The following PLPPR4 variants were observed in gnomAD, a reference collection of about 807,000 sequenced individuals.
PLPPR4 encodes phospholipid phosphatase related 4.
In PLPPR4, 24 loss-of-function variants were observed where a neutral mutation model predicts 56.6. That is an observed-to-expected ratio of 0.42 (90% CI 0.31 to 0.60). The LOEUF is 0.60. PLPPR4 is among the 20% of genes least tolerant of loss of function. The pLI is 0.13. For synonymous variants in PLPPR4, 326 were observed against 328.1 expected, an observed-to-expected ratio of 0.99 and a Z score of 0.07; for missense variants, 654 against 885.8, an observed-to-expected ratio of 0.74 and a Z score of 3.32.
At chr1:99,292,211 A>T (rs1166304590) in intron 2 of PLPPR4, among the ~76,000 whole-genome samples, 1 of 152,206 alleles carries the variant, frequency 6.6e-6, no homozygotes, top group East Asian at 1.9e-4. Context: ...AAGCAAATTT[A>T]GTTGTGGCAC....
chr1:99,296,698 T>A (rs1659750196), intron 2 of PLPPR4, 40 bp from the exon 3 acceptor site: 1 of 1,520,516 alleles, frequency 6.6e-7, no homozygotes, highest in African/African-American at 1.4e-5. Context: ...TAATAGGTAT[T>A]CCAACATGCC....
chr1:99,279,141 AT>A (rs1659261497), intron 1 of PLPPR4, among the ~76,000 whole-genome samples: 1 of 152,172 alleles, frequency 6.6e-6, no homozygotes, highest in African/African-American at 2.4e-5. Flanking sequence ...TATGTCAGGG[AT>A]AAAGAGATGG....
intron 1 of PLPPR4, among the ~76,000 whole-genome samples, chr1:99,286,290 T>C (rs968051277): frequency 3.3e-5 from 5 of 152,206 alleles, no homozygotes; most frequent in African/African-American, 1.2e-4. Flanking sequence ...GTCTAGTTAT[T>C]GTAATTAAAT....
At position 99,307,543 on chromosome 1, in the gene PLPPR4, T is replaced by A. The variant is rs921423663; in HGVS notation, c.*533T>A. 6.5e-6 allele frequency: 1 copy of A among 152,970 alleles called. No individual in the cohort carries two copies. Among genetic ancestry groups the A allele is most frequent in the Non-Finnish European group, 1.5e-5 (1 of 68,498 alleles). The allele number at this position is 152,970 out of a possible 1,614,324, so 9.5% of individuals were successfully genotyped here. On this transcript the variant is annotated 3_prime_UTR_variant, in exon 7 of 7. Transcript: ENST00000370185. ...GAAATAGTGGTGTGCAATTCCTTGT[T>A]AAAGAAATGCTACTTTATTAAGAAG...
rs1660076625 is a variant in PLPPR4 at position 99,307,890 on chromosome 1, C to T, written c.*880C>T. 6.6e-6 allele frequency: 1 copy of T among 152,042 alleles called. No homozygotes were observed. The highest frequency in any genetic ancestry group is 1.5e-5 in the Non-Finnish European group (1 of 67,992). 9.4% of individuals were successfully genotyped at this position (152,042 alleles called of 1,614,324 possible). On this transcript the variant is annotated 3_prime_UTR_variant, in exon 7 of 7. Transcript: ENST00000370185. ...TCATATTTTGCTTTCTATGGCTTCT[C>T]CTTAACTTATTGATTAATTTTTTGA... is the stretch of plus-strand genomic sequence containing the variant.
At chr1:99,305,143 T>C (rs963277419) in intron 6 of PLPPR4, among the ~76,000 whole-genome samples, 2 of 152,172 alleles carry the variant, frequency 1.3e-5, no homozygotes, top group African/African-American at 2.4e-5. Context: ...TGTACAATGC[T>C]GAACACACAA....
chr1:99,267,870 T>C (rs1658944544), intron 1 of PLPPR4, among the ~76,000 whole-genome samples: 1 of 152,230 alleles, frequency 6.6e-6, no homozygotes, highest in Non-Finnish European at 1.5e-5. Flanking sequence ...TGACAACCAT[T>C]TATAAAGTAC....
chr1:99,304,248 T>A (rs1355107773), intron 6 of PLPPR4, among the ~76,000 whole-genome samples: 1 of 152,210 alleles, frequency 6.6e-6, no homozygotes, highest in Non-Finnish European at 1.5e-5. Context: ...GTGCTTACCA[T>A]TGTGTTACAA....
In PLPPR4 at chr1:99,287,923, A is replaced by G. The variant is rs774630974; in HGVS notation, c.79-42A>G. The stretch of plus-strand genomic sequence containing the variant: ...CTTGTTTTCTATGTATGCCCTGTAT[A>G]TCAGGTAGAATAAATTGATCTTCTT... On this transcript the variant is annotated intron_variant, in intron 1 of 6. Transcript: ENST00000370185. 6.6e-6 allele frequency: 10 copies of G among 1,515,962 alleles called. No individual in the cohort carries two copies. The Admixed American group carries it at 1.6e-4, about 24-fold the overall frequency. The allele number at this position is 1,515,962 out of a possible 1,614,324, so 93.9% of individuals were successfully genotyped here. A position where few individuals can be genotyped will look rare whatever the true frequency, so the allele number is the denominator to read the frequency against.
chr1:99,298,465 A>G (rs1001025097), intron 3 of PLPPR4, among the ~76,000 whole-genome samples: 2 of 152,182 alleles, frequency 1.3e-5, no homozygotes, highest in African/African-American at 4.8e-5. Context: ...CCAAATTCCA[A>G]ACACACACGT....
intron 1 of PLPPR4, among the ~76,000 whole-genome samples, chr1:99,284,545 T>A (rs1400548784): frequency 1.3e-5 from 2 of 151,912 alleles, no homozygotes; most frequent in Non-Finnish European, 2.9e-5. Flanking sequence ...TCTCCCAAAG[T>A]GCTGGGATTA....
At position 99,307,774 on chromosome 1, in the gene PLPPR4, A is replaced by G. The variant is rs149312132; in HGVS notation, c.*764A>G. On this transcript the variant is annotated 3_prime_UTR_variant, in exon 7 of 7. Coordinates refer to ENST00000370185, the MANE Select transcript of PLPPR4 (RefSeq NM_014839.5). ...TCTTCTGCTTACTTTTTATTTAAGT[A>G]TAGGTACTGCTAATGAATCTGTTTT... 1 of 152,318 alleles carries G rather than the reference A, an allele frequency of 6.6e-6. No individual in the cohort carries two copies. The highest frequency in any genetic ancestry group is 2.4e-5 in the African/African-American group (1 of 41,590). 9.4% of individuals were successfully genotyped at this position (152,318 alleles called of 1,614,324 possible).
chr1:99,277,613 A>C (rs1659223705), intron 1 of PLPPR4, among the ~76,000 whole-genome samples: 1 of 152,160 alleles, frequency 6.6e-6, no homozygotes, highest in African/African-American at 2.4e-5. Context: ...AACTTTCTGC[A>C]AATTATCAAT....
rs1211117271 is a variant in PLPPR4, at chr1:99,306,188, G to T, written c.1326G>T (p.Val442=). 1.2e-6 allele frequency: 2 copies of T among 1,614,094 alleles called. No individual in the cohort carries two copies. Among genetic ancestry groups the T allele is most frequent in the South Asian group, 2.2e-5 (2 of 91,074 alleles). ...GCTCAGAGCCATCGAGGGTAGGGGTGAATGGAGACCACCATGGTCCTGGCA... is the reference window on the plus strand; with the variant it reads ...GCTCAGAGCCATCGAGGGTAGGGGTTAATGGAGACCACCATGGTCCTGGCA... ...RSSSEPSRVG[V]NGDHHGPGNQ... is the part of the protein sequence containing the mutation. Residue 442 remains valine (V), a synonymous_variant, in exon 7 of 7, where the codon GTG becomes GTT. Coordinates refer to ENST00000370185, the MANE Select transcript of PLPPR4 (RefSeq NM_014839.5). The surrounding 1 kb of genome is among the most constrained non-coding windows in gnomAD (Gnocchi z 4.0).
At chr1:99,270,579 C>T (rs1659031556) in intron 1 of PLPPR4, among the ~76,000 whole-genome samples, 1 of 152,198 alleles carries the variant, frequency 6.6e-6, no homozygotes, top group Admixed American at 6.5e-5. Flanking sequence ...TGGAAAGTGT[C>T]CACAGGTTTT....
upstream of PLPPR4, among the ~76,000 whole-genome samples, chr1:99,263,136 G>A (rs1275335173): frequency 2.0e-5 from 3 of 152,174 alleles, no homozygotes; most frequent in Non-Finnish European, 2.9e-5. Flanking sequence ...TTATAGAATC[G>A]TGGGGGCAAC....
At chr1:99,287,359 C>T (rs1190952505) in intron 1 of PLPPR4, among the ~76,000 whole-genome samples, 4 of 152,160 alleles carry the variant, frequency 2.6e-5, no homozygotes, top group African/African-American at 7.2e-5. Flanking sequence ...CATGCATGCA[C>T]ATGTGTCTTT....
chr1:99,264,266 G>C (rs1214739187), upstream of PLPPR4: 1 of 586,674 alleles, frequency 1.7e-6, no homozygotes, highest in African/African-American at 1.9e-5. Context: ...GGGCGGTAGA[G>C]AGCTGAGGGA....
chr1:99,296,869 TG>T lies in PLPPR4; in HGVS notation c.394+5del. The T allele has an allele frequency of 6.4e-7, 1 of 1,572,464 alleles. No individual in the cohort carries two copies. Among genetic ancestry groups the T allele is most frequent in the South Asian group, 1.2e-5 (1 of 83,812 alleles). ...TCAGACGAGCTGTCAGATTCGTTGG[TG>T]GGTGTGGGGAACCACAAAGAAAAGA... On this transcript the variant is annotated splice_donor_region_variant and intron_variant, in intron 3 of 6. Transcript: ENST00000370185.
Sources: gnomAD v4.1 joint callset for allele counts (sites outside exome capture counted in the v4.1 genomes callset) on GRCh38, gnomAD v4.1.1 for gene constraint, Gnocchi (gnomAD v3.1) non-coding constraint, MANE v1.5 for transcripts, NCBI Gene and HGNC (gene_info 2026-07-23, HGNC 2026-07-21) for gene names.